Variants in TASP1 observed in about 807,000 individuals in gnomAD.
TASP1 encodes the protein threonine aspartase 1.
Under a neutral mutation model 56.6 loss-of-function variants are expected in TASP1, and 16 were observed. The observed-to-expected ratio is 0.28, with a 90% CI of 0.19 to 0.43. The LOEUF (loss-of-function observed/expected upper bound fraction) is 0.43, where lower values mean the gene tolerates loss of function less well. Ranked by LOEUF, TASP1 falls within the 20% of genes least tolerant of loss-of-function variation. The pLI, the probability that TASP1 is intolerant of heterozygous loss-of-function variation, is 1.00. For synonymous variants in TASP1, 179 were observed against 184.2 expected, an observed-to-expected ratio of 0.97 and a Z score of 0.23; for missense variants, 393 against 511.6, an observed-to-expected ratio of 0.77 and a Z score of 2.24.
At chr20:13,525,382 C>T (rs112346811) in intron 10 of TASP1, among the ~76,000 whole-genome samples, 14 of 152,070 alleles carry the variant, frequency 9.2e-5, no homozygotes, top group South Asian at 2.1e-4. Flanking sequence ...ATTCCTATGA[C>T]GCCAGAACAT....
rs761601134 is a variant in TASP1 at position 13,390,207 on chromosome 20, G to A, written c.*153C>T. 7.9e-5 allele frequency: 52 copies of A among 659,014 alleles called. No individual in the cohort carries two copies. Among genetic ancestry groups the A allele is most frequent in the Non-Finnish European group, 1.2e-4 (47 of 387,054 alleles). The allele number at this position is 659,014 out of a possible 1,614,324, so 40.8% of individuals were successfully genotyped here. The stretch of plus-strand genomic sequence containing the variant: ...ACCAAAGGCCCGCGTGTCACTAAGC[G>A]CTAACTACAGCAGCACTTGTGTCTC... On this transcript the variant is annotated 3_prime_UTR_variant, in exon 14 of 14. Transcript: ENST00000337743.
chr20:13,519,694 C>G (rs2044666463), intron 10 of TASP1, among the ~76,000 whole-genome samples: 1 of 152,148 alleles, frequency 6.6e-6, no homozygotes, highest in Admixed American at 6.6e-5. Flanking sequence ...TGGAAGCATT[C>G]CCTTTGAAAA....
At chr20:13,387,460 A>C (rs563624914), downstream of TASP1, among the ~76,000 whole-genome samples, 1 of 152,080 alleles carries the variant, frequency 6.6e-6, no homozygotes, top group Non-Finnish European at 1.5e-5. Context: ...AAGTGCTGGG[A>C]TTACAGGTGT....
intron 11 of TASP1, among the ~76,000 whole-genome samples, chr20:13,444,678 G>A (rs757562253): frequency 2.6e-5 from 4 of 152,184 alleles, no homozygotes; most frequent in Non-Finnish European, 5.9e-5. Flanking sequence ...TGTATATTAA[G>A]TTAACTGCAT....
At chr20:13,507,206 A>G (rs1482233058) in intron 10 of TASP1, among the ~76,000 whole-genome samples, 1 of 152,156 alleles carries the variant, frequency 6.6e-6, no homozygotes, top group Non-Finnish European at 1.5e-5. Flanking sequence ...TATAAATTTA[A>G]CTAAGAAGAT....
the TASP1 span, among the ~76,000 whole-genome samples, chr20:13,146,928 C>T: frequency 6.6e-6 from 1 of 152,220 alleles, no homozygotes; most frequent in Admixed American, 6.5e-5. Flanking sequence ...ATCTCCAAGC[C>T]TCTGTTTCCT....
chr20:13,431,364 T>C (rs2042799307), intron 12 of TASP1, among the ~76,000 whole-genome samples: 1 of 152,168 alleles, frequency 6.6e-6, no homozygotes, highest in Non-Finnish European at 1.5e-5. Context: ...TCTTGATGAC[T>C]GAAATAGTCC....
intron 4 of TASP1, among the ~76,000 whole-genome samples, chr20:13,612,981 T>C (rs985393148): frequency 1.3e-5 from 2 of 152,190 alleles, no homozygotes; most frequent in African/African-American, 2.4e-5. Context: ...GTTTGAAGGA[T>C]GTAAATCTAT....
At chr20:13,473,284 C>T (rs1159210017) in intron 11 of TASP1, among the ~76,000 whole-genome samples, 1 of 144,806 alleles carries the variant, frequency 6.9e-6, no homozygotes, top group African/African-American at 2.6e-5. Flanking sequence ...GGGAACTGAA[C>T]AATGAGAACA....
At chr20:13,590,456 G>T (rs573474037) in intron 4 of TASP1, among the ~76,000 whole-genome samples, 1 of 152,012 alleles carries the variant, frequency 6.6e-6, no homozygotes, top group East Asian at 1.9e-4. Context: ...AACAATGACC[G>T]AATTAGCAAA....
At chr20:13,151,051 A>G in the TASP1 span, among the ~76,000 whole-genome samples, 3 of 152,172 alleles carry the variant, frequency 2.0e-5, no homozygotes, top group Non-Finnish European at 4.4e-5. Flanking sequence ...TCACTAGACT[A>G]TAAGCTCTTC....
At chr20:13,531,342 C>A (rs575656738) in intron 9 of TASP1, among the ~76,000 whole-genome samples, 2 of 151,592 alleles carry the variant, frequency 1.3e-5, no homozygotes, top group Admixed American at 6.7e-5. Context: ...TAAACTCAAC[C>A]GCCTATTTGT....
intron 10 of TASP1, among the ~76,000 whole-genome samples, chr20:13,485,715 C>T (rs902624664): frequency 2.0e-5 from 3 of 152,044 alleles, no homozygotes; most frequent in African/African-American, 7.2e-5. Flanking sequence ...AAAGAAATCA[C>T]GTTGGACACT....
the TASP1 span, among the ~76,000 whole-genome samples, chr20:13,345,047 C>A: frequency 6.6e-6 from 1 of 152,126 alleles, no homozygotes; most frequent in East Asian, 1.9e-4. Flanking sequence ...CATTTACACA[C>A]ATTCACTAGG....
the TASP1 span, among the ~76,000 whole-genome samples, chr20:13,260,187 C>G: frequency 6.6e-6 from 1 of 152,352 alleles, no homozygotes; most frequent in East Asian, 1.9e-4. Context: ...CAGGAGCTTT[C>G]TCTTCACCTC....
the TASP1 span, among the ~76,000 whole-genome samples, chr20:13,156,991 C>G: frequency 6.6e-6 from 1 of 152,146 alleles, no homozygotes; most frequent in Non-Finnish European, 1.5e-5. Context: ...AATCTTGTTT[C>G]TTTCAACTTA....
intron 10 of TASP1, among the ~76,000 whole-genome samples, chr20:13,506,986 C>T (rs2044157395): frequency 6.6e-6 from 1 of 151,716 alleles, no homozygotes; most frequent in Non-Finnish European, 1.5e-5. Context: ...AAAACTGTTA[C>T]TATTGGCAGA....
At chr20:13,481,593 A>T (rs1292177253) in intron 11 of TASP1, among the ~76,000 whole-genome samples, 1 of 152,128 alleles carries the variant, frequency 6.6e-6, no homozygotes, top group African/African-American at 2.4e-5. Flanking sequence ...GCTATTGCCT[A>T]TCTTTTGGAT....
intron 1 of TASP1, among the ~76,000 whole-genome samples, chr20:13,633,631 TATC>T (rs1402014732): frequency 6.6e-6 from 1 of 152,150 alleles, no homozygotes; most frequent in Non-Finnish European, 1.5e-5. Context: ...GAATGTAGCT[TATC>T]ATCAAATATC....
Sources: gnomAD v4.1 joint callset for allele counts (sites outside exome capture counted in the v4.1 genomes callset) on GRCh38, gnomAD v4.1.1 for gene constraint, MANE v1.5 for transcripts, NCBI Gene and HGNC (gene_info 2026-07-23, HGNC 2026-07-21) for gene names.